The following ZBTB7C variants were observed in gnomAD, a reference collection of about 807,000 sequenced individuals.
ZBTB7C encodes zinc finger and BTB domain-containing protein 7C.
ZBTB7C carries 8 observed loss-of-function variants against 25.7 expected under a neutral mutation model. The observed-to-expected ratio is 0.31, with a 90% CI of 0.18 to 0.56. ZBTB7C has a LOEUF of 0.56. Among genes scored for constraint, ZBTB7C ranks in the 20% least tolerant of loss-of-function variants. ZBTB7C has a pLI of 0.91. For missense variants in ZBTB7C, 824 were observed against 855.2 expected (o/e 0.96, Z 0.46); for synonymous variants, 394 against 369.0 (o/e 1.07, Z -0.78).
intron 2 of ZBTB7C, among the ~76,000 whole-genome samples, chr18:48,337,177 T>C (rs1217873607): frequency 1.3e-5 from 2 of 152,192 alleles, no homozygotes; most frequent in Non-Finnish European, 2.9e-5. Context: ...CTGGGGACCC[T>C]GACACTGGCC....
chr18:48,213,591 A>G (rs568124784), intron 2 of ZBTB7C, among the ~76,000 whole-genome samples: 55 of 152,350 alleles, frequency 3.6e-4, no homozygotes, highest in African/African-American at 1.0e-3. Flanking sequence ...TAAATGAAGC[A>G]AACACTTTAA....
chr18:48,039,455 C>T (rs551828375), intron 4 of ZBTB7C, among the ~76,000 whole-genome samples: 1 of 152,250 alleles, frequency 6.6e-6, no homozygotes, highest in Non-Finnish European at 1.5e-5. Flanking sequence ...CTTAAGGTGC[C>T]GAGGACGGCC....
intron 3 of ZBTB7C, among the ~76,000 whole-genome samples, chr18:48,175,291 T>G (rs903595716): frequency 7.2e-5 from 11 of 152,146 alleles, no homozygotes; most frequent in African/African-American, 2.4e-5. Context: ...GTTGTAGTGA[T>G]TTGGGTGAAA....
chr18:48,175,162 T>C (rs939592474), intron 3 of ZBTB7C, among the ~76,000 whole-genome samples: 1 of 151,970 alleles, frequency 6.6e-6, no homozygotes, highest in African/African-American at 2.4e-5. Flanking sequence ...GGAACCTAAC[T>C]GTAGTTCAAA....
intron 3 of ZBTB7C, 163 bp from the exon 4 acceptor site, chr18:48,041,286 A>G: frequency 1.0e-6 from 1 of 985,182 alleles, no homozygotes; most frequent in African/African-American, 1.7e-5. Flanking sequence ...TGCAATTCAC[A>G]GCCTGGCTTA....
At chr18:48,241,048 T>C (rs1386308962) in intron 2 of ZBTB7C, among the ~76,000 whole-genome samples, 1 of 152,030 alleles carries the variant, frequency 6.6e-6, no homozygotes, top group Non-Finnish European at 1.5e-5. Context: ...CAGGAGTAGC[T>C]ATTCTCATAT....
intron 2 of ZBTB7C, among the ~76,000 whole-genome samples, chr18:48,330,421 C>T (rs1348393672): frequency 6.6e-6 from 1 of 152,134 alleles, no homozygotes; most frequent in African/African-American, 2.4e-5. Context: ...GTCAGTGCCC[C>T]CAAACAGCTC....
chr18:48,175,738 C>T (rs1205753479), intron 3 of ZBTB7C, among the ~76,000 whole-genome samples: 1 of 152,174 alleles, frequency 6.6e-6, no homozygotes, highest in Non-Finnish European at 1.5e-5. Context: ...AATCTCTTCT[C>T]ATACCAGAAA....
Position 48,040,454 on chromosome 18 carries a change from A to C in ZBTB7C, c.654T>G (p.His218Gln). 1.2e-6 allele frequency: 2 copies of C among 1,607,714 alleles called. No individual in the cohort carries two copies. ...TGGAGAAGTCCCGGATCACCCCCAG[A>C]TGGCCAGGACTGCCAGCCTGGAAGG... The part of the protein sequence containing the change: ...PDSFQAGSPG[H>Q]LGVIRDFSIE... Residue 218 changes from histidine (H) to glutamine (Q), a missense_variant, in exon 4 of 5, where the codon CAT becomes CAG. Physicochemically the swap from His to Gln is conservative, Grantham distance 24 (BLOSUM62 0). Around this residue, in one of 4 missense-constraint regions of ZBTB7C, gnomAD observed 316 missense variants for 299.2 expected, o/e 1.06. Transcript: ENST00000590800.
intron 2 of ZBTB7C, among the ~76,000 whole-genome samples, chr18:48,251,200 G>A (rs1341061510): frequency 1.3e-5 from 2 of 151,928 alleles, no homozygotes; most frequent in South Asian, 2.1e-4. Flanking sequence ...TTCCAGCCTC[G>A]GTGACAGAGC....
intron 1 of ZBTB7C, among the ~76,000 whole-genome samples, chr18:48,341,122 C>T (rs186527549): frequency 1.2e-3 from 189 of 152,318 alleles, no homozygotes; most frequent in African/African-American, 4.0e-3. Flanking sequence ...TTTCCTCATT[C>T]GTTTGCTCAC....
intron 3 of ZBTB7C, among the ~76,000 whole-genome samples, chr18:48,145,669 G>C (rs974088317): frequency 1.3e-5 from 2 of 152,154 alleles, no homozygotes; most frequent in African/African-American, 2.4e-5. Flanking sequence ...AGTGAGCTTT[G>C]TATTACCCTG....
At chr18:48,359,100 C>G (rs375339652) in intron 1 of ZBTB7C, among the ~76,000 whole-genome samples, 2 of 152,182 alleles carry the variant, frequency 1.3e-5, no homozygotes, top group East Asian at 3.9e-4. Context: ...ACTTACTGCC[C>G]GGAGTACATC....
At chr18:48,175,007 T>A (rs118025111) in intron 3 of ZBTB7C, among the ~76,000 whole-genome samples, 6,171 of 152,294 alleles carry the variant, frequency 0.041, 140 homozygotes, top group Middle Eastern at 0.088. Flanking sequence ...TATCTCCAAC[T>A]ATACCTTTCT....
intron 3 of ZBTB7C, among the ~76,000 whole-genome samples, chr18:48,045,921 T>C (rs200935528): frequency 6.6e-6 from 1 of 152,236 alleles, no homozygotes; most frequent in African/African-American, 2.4e-5. Flanking sequence ...GAGGTCCCCA[T>C]GGCAGAGGAT....
At chr18:48,247,507 G>C (rs1338992299) in intron 2 of ZBTB7C, among the ~76,000 whole-genome samples, 1 of 152,150 alleles carries the variant, frequency 6.6e-6, no homozygotes, top group Non-Finnish European at 1.5e-5. Flanking sequence ...TCTCAACTTT[G>C]TGGCTTCCCA....
At chr18:48,383,098 A>G (rs1414115335) in intron 1 of ZBTB7C, among the ~76,000 whole-genome samples, 1 of 152,142 alleles carries the variant, frequency 6.6e-6, no homozygotes. Context: ...ACAGCATCTT[A>G]GCCTCAGAAG....
At chr18:48,192,085 C>T (rs1175033532) in intron 2 of ZBTB7C, among the ~76,000 whole-genome samples, 2 of 152,190 alleles carry the variant, frequency 1.3e-5, no homozygotes, top group East Asian at 1.9e-4. Flanking sequence ...AACTGTGGAA[C>T]ATCCAGACAA....
chr18:48,078,501 G>A (rs1281693176), intron 3 of ZBTB7C, among the ~76,000 whole-genome samples: 1 of 152,222 alleles, frequency 6.6e-6, no homozygotes, highest in Non-Finnish European at 1.5e-5. Context: ...CAGCCTTGAG[G>A]GCATCGGTGC....
Sources: gnomAD v4.1 joint callset for allele counts (sites outside exome capture counted in the v4.1 genomes callset) on GRCh38, gnomAD v4.1.1 for gene constraint, gnomAD v4.1.1 regional missense constraint, MANE v1.5 for transcripts, NCBI Gene and HGNC (gene_info 2026-07-23, HGNC 2026-07-21) for gene names.